PCSK5: variants seen among roughly 807,000 people sequenced by gnomAD.
PCSK5 encodes prohormone convertase 5.
PCSK5 carries 129 observed loss-of-function variants against 233.2 expected under a neutral mutation model. The ratio of observed to expected loss-of-function variants is 0.55; its 90% CI spans 0.48 to 0.64. The LOEUF (loss-of-function observed/expected upper bound fraction) is 0.64. Among genes scored for constraint, PCSK5 ranks in the 30% least tolerant of loss-of-function variants. The pLI is 0.00. For missense variants in PCSK5, 2,076 were observed against 2,430.1 expected (o/e 0.85, Z 3.06); for synonymous variants, 825 against 879.2 (o/e 0.94, Z 1.09).
chr9:76,013,208 G>A (rs1012809638), intron 3 of PCSK5, among the ~76,000 whole-genome samples: 2 of 152,138 alleles, frequency 1.3e-5, no homozygotes, highest in African/African-American at 2.4e-5. Context: ...AGTTTAAACA[G>A]GTTAAACTTG....
intron 20 of PCSK5, among the ~76,000 whole-genome samples, chr9:76,206,198 C>T (rs1564107613): frequency 2.6e-5 from 4 of 152,200 alleles, no homozygotes; most frequent in Admixed American, 2.0e-4. Flanking sequence ...GATGCTGATG[C>T]TGCTGGTCCT....
At position 76,351,533 on chromosome 9, in the gene PCSK5, G is replaced by GAAAGAAAGAAAGAAAGAAAGAAAGA. The variant is rs1354864321; in HGVS notation, c.5067+607_5067+608insAGAAAGAAAGAAAGAAAGAAAGAAA. ...GAAAGAAAGAAAGAAAGAAAGAAAG[G>GAAAGAAAGAAAGAAAGAAAGAAAGA]AAGGAAAGAAAGAGAAAGAAGAGAG... is the stretch of plus-strand genomic sequence containing the variant. On this transcript the variant is annotated intron_variant, in intron 36 of 37. Coordinates refer to ENST00000674117, the MANE Select transcript of PCSK5 (RefSeq NM_001372043.1). 1.1e-3 allele frequency among the ~76,000 whole-genome samples: 17 copies of GAAAGAAAGAAAGAAAGAAAGAAAGA among 15,842 alleles called. 7 individuals are homozygous for GAAAGAAAGAAAGAAAGAAAGAAAGA. Among genetic ancestry groups the GAAAGAAAGAAAGAAAGAAAGAAAGA allele is most frequent in the East Asian group, 0.01 (2 of 192 alleles). The allele number at this position is 15,842 out of a possible 152,430, so 10.4% of individuals were successfully genotyped here.
At chr9:76,115,387 T>G (rs568338264) in intron 9 of PCSK5, among the ~76,000 whole-genome samples, 1 of 152,284 alleles carries the variant, frequency 6.6e-6, no homozygotes, top group South Asian at 2.1e-4. Flanking sequence ...TTATTTACAT[T>G]ATAAATTGCT....
intron 7 of PCSK5, among the ~76,000 whole-genome samples, chr9:76,078,271 T>A (rs1297218031): frequency 1.3e-5 from 2 of 152,222 alleles, no homozygotes; most frequent in Non-Finnish European, 2.9e-5. Context: ...GCAGAAGCTT[T>A]TTAGTTTAAT....
intron 2 of PCSK5, among the ~76,000 whole-genome samples, chr9:75,979,928 A>G (rs1022790306): frequency 6.6e-6 from 1 of 152,220 alleles, no homozygotes; most frequent in African/African-American, 2.4e-5. Context: ...GTTTATCCAG[A>G]GAGTGCCTCC....
Position 76,282,411 on chromosome 9 carries a change from C to T in PCSK5, c.3143-9822C>T, listed in dbSNP as rs1457375792. On this transcript the variant is annotated intron_variant, in intron 24 of 37. Transcript: ENST00000674117. Reference sequence around the variant, plus strand: ...CTTGACTCACTGCAGCCTTGACCTCCGAGGCTAACGCAATCCTCCCACCTC... The same window carrying T: ...CTTGACTCACTGCAGCCTTGACCTCTGAGGCTAACGCAATCCTCCCACCTC... Among the ~76,000 whole-genome samples, 10 of 149,150 alleles carry T rather than the reference C, an allele frequency of 6.7e-5. No homozygotes were observed. The East Asian group carries it at 9.8e-4, about 15-fold the overall frequency.
intron 30 of PCSK5, among the ~76,000 whole-genome samples, chr9:76,319,294 C>T (rs561212902): frequency 2.0e-5 from 3 of 151,572 alleles, no homozygotes; most frequent in African/African-American, 4.9e-5. Flanking sequence ...ACCTAGGTGC[C>T]GAGGCAAGAG....
chr9:76,145,232 G>A (rs1823397529), intron 10 of PCSK5, among the ~76,000 whole-genome samples: 1 of 152,164 alleles, frequency 6.6e-6, no homozygotes, highest in Non-Finnish European at 1.5e-5. Flanking sequence ...GATCATAAGT[G>A]CCAAGCACAA....
At chr9:76,309,789 A>T (rs1828811518) in intron 29 of PCSK5, among the ~76,000 whole-genome samples, 1 of 152,250 alleles carries the variant, frequency 6.6e-6, no homozygotes, top group Non-Finnish European at 1.5e-5. Context: ...TTACAATAAT[A>T]GGCAAGCCAC....
At position 76,323,183 on chromosome 9, in the gene PCSK5, G is replaced by A. The variant is rs781310006; in HGVS notation, c.4234G>A (p.Asp1412Asn). 1.2e-5 allele frequency: 19 copies of A among 1,612,576 alleles called. No individual in the cohort carries two copies. The South Asian group carries it at 1.5e-4, about 13-fold the overall frequency. ...CLECSGPKAD[D>N]CELCLESSWV... Reference sequence around the variant, plus strand: ...GGAGTGCAGTGGCCCCAAAGCCGACGACTGCGAGCTCTGTCTTGAGAGTTC... The same window carrying A: ...GGAGTGCAGTGGCCCCAAAGCCGACAACTGCGAGCTCTGTCTTGAGAGTTC... Residue 1412 changes from aspartate to asparagine, a missense_variant, in exon 32 of 38, where the codon GAC becomes AAC. Transcript: ENST00000674117.
chr9:76,189,055 G>GTT, intron 18 of PCSK5, 39 bp from the exon 19 acceptor site: 1 of 1,604,422 alleles, frequency 6.2e-7, no homozygotes, highest in Non-Finnish European at 8.5e-7. Flanking sequence ...CTCCTCTGAG[G>GTT]TTTTATTTCT....
intron 1 of PCSK5, among the ~76,000 whole-genome samples, chr9:75,894,509 CAT>C (rs1825732403): frequency 6.6e-6 from 1 of 152,162 alleles, no homozygotes; most frequent in Admixed American, 6.5e-5. Context: ...ATAGAGCTAG[CAT>C]ATGTTTTCAC....
At chr9:76,103,555 A>G (rs189421899) in intron 8 of PCSK5, among the ~76,000 whole-genome samples, 145 of 152,314 alleles carry the variant, frequency 9.5e-4, no homozygotes, top group African/African-American at 3.4e-3. Flanking sequence ...AAATACTAGG[A>G]CATAATTGCT....
At chr9:76,077,916 C>T (rs1348518959) in intron 7 of PCSK5, among the ~76,000 whole-genome samples, 1 of 152,214 alleles carries the variant, frequency 6.6e-6, no homozygotes, top group African/African-American at 2.4e-5. Flanking sequence ...CTTTTGGATA[C>T]ATACCCAGTA....
intron 21 of PCSK5, 49 bp downstream of exon 21, chr9:76,227,654 G>A (rs1347993387): frequency 2.4e-6 from 3 of 1,240,920 alleles, no homozygotes; most frequent in Non-Finnish European, 3.5e-6. Context: ...ATGGATTGCA[G>A]GGTGGAGAGA....
chr9:76,100,905 G>A (rs1460044393), intron 8 of PCSK5, among the ~76,000 whole-genome samples: 1 of 152,054 alleles, frequency 6.6e-6, no homozygotes, highest in Non-Finnish European at 1.5e-5. Flanking sequence ...TCAAACCAGG[G>A]CTTCCTGATG....
intron 17 of PCSK5, among the ~76,000 whole-genome samples, chr9:76,185,434 C>T (rs1257855077): frequency 6.6e-6 from 1 of 152,168 alleles, no homozygotes; most frequent in African/African-American, 2.4e-5. Flanking sequence ...AACTCTGCTG[C>T]ACTGGATTTC....
chr9:75,895,834 G>A (rs1446984560), intron 1 of PCSK5, among the ~76,000 whole-genome samples: 1 of 152,192 alleles, frequency 6.6e-6, no homozygotes, highest in African/African-American at 2.4e-5. Context: ...GTTCAGAGAT[G>A]TCCTGAACAC....
intron 1 of PCSK5, among the ~76,000 whole-genome samples, chr9:75,931,975 G>T (rs1302076648): frequency 6.6e-6 from 1 of 152,114 alleles, no homozygotes; most frequent in Non-Finnish European, 1.5e-5. Flanking sequence ...GTCCTTCATT[G>T]TACATTTCTC....
Sources: gnomAD v4.1 joint callset for allele counts (sites outside exome capture counted in the v4.1 genomes callset) on GRCh38, gnomAD v4.1.1 for gene constraint, MANE v1.5 for transcripts, NCBI Gene and HGNC (gene_info 2026-07-23, HGNC 2026-07-21) for gene names.